DAP: variants seen among roughly 807,000 people sequenced by gnomAD.
DAP encodes death associated protein, also known as death-associated protein 1.
DAP carries 8 observed loss-of-function variants against 13.8 expected under a neutral mutation model. The ratio of observed to expected loss-of-function variants is 0.58; its 90% confidence interval spans 0.34 to 1.05. The LOEUF is 1.05. Among genes scored for constraint, DAP ranks in the 50% least tolerant of loss-of-function variants. The pLI is 0.03. For missense variants in DAP, 106 were observed against 133.2 expected (o/e 0.80, Z 1.01); for synonymous variants, 47 against 47.5 (o/e 0.99, Z 0.04).
chr5:10,732,506 CTG>C (rs375161435), intron 2 of DAP, among the ~76,000 whole-genome samples: 1 of 152,214 alleles, frequency 6.6e-6, no homozygotes, highest in African/African-American at 2.4e-5. Flanking sequence ...TCCTCCATGA[CTG>C]TATCATTAAT....
Position 10,700,108 on chromosome 5 carries a change from A to G in DAP, c.153-16537T>C, listed in dbSNP as rs553260059. ...GGCCCCTCCGCGGGCAGGATGTGACATACTTCTAGGGAGCATTAGGGCTCA... is the reference window on the plus strand; with the variant it reads ...GGCCCCTCCGCGGGCAGGATGTGACGTACTTCTAGGGAGCATTAGGGCTCA... On this transcript the variant is annotated intron_variant, in intron 2 of 3. Coordinates refer to ENST00000230895, the MANE Select transcript of DAP (RefSeq NM_004394.3). Among the ~76,000 whole-genome samples, 6 of 152,330 alleles carry G rather than the reference A, an allele frequency of 3.9e-5. No individual in the cohort carries two copies. The South Asian group carries it at 1.2e-3, about 32-fold the overall frequency.
intron 1 of DAP, among the ~76,000 whole-genome samples, chr5:10,750,222 A>G (rs1579822177): frequency 6.6e-6 from 1 of 152,254 alleles, no homozygotes; most frequent in East Asian, 1.9e-4. Flanking sequence ...ACGAAAACCC[A>G]GGCCAACTTT....
At chr5:10,746,510 A>G (rs1194943028) in intron 2 of DAP, among the ~76,000 whole-genome samples, 1 of 151,808 alleles carries the variant, frequency 6.6e-6, no homozygotes, top group African/African-American at 2.4e-5. Flanking sequence ...TTGTGTTTTT[A>G]GTAGAGACGG....
intron 2 of DAP, among the ~76,000 whole-genome samples, chr5:10,712,682 T>C (rs775987216): frequency 6.6e-6 from 1 of 152,114 alleles, no homozygotes; most frequent in African/African-American, 2.4e-5. Context: ...AGGACCAACA[T>C]GGCACAGGGG....
At chr5:10,750,288 T>A (rs1414506013) in intron 1 of DAP, among the ~76,000 whole-genome samples, 1 of 152,138 alleles carries the variant, frequency 6.6e-6, no homozygotes, top group Non-Finnish European at 1.5e-5. Context: ...GGGGCTTACA[T>A]GCTTCAGGTG....
chr5:10,738,154 T>C (rs1739661136), intron 2 of DAP, among the ~76,000 whole-genome samples: 1 of 152,242 alleles, frequency 6.6e-6, no homozygotes, highest in Non-Finnish European at 1.5e-5. Flanking sequence ...ACAAATGTGT[T>C]ATTTAAAGCC....
chr5:10,749,124 T>C (rs529076601), intron 1 of DAP, among the ~76,000 whole-genome samples: 2 of 152,368 alleles, frequency 1.3e-5, no homozygotes, highest in Non-Finnish European at 2.9e-5. Flanking sequence ...GGTTCATCCA[T>C]GTTACAGCAC....
intron 2 of DAP, among the ~76,000 whole-genome samples, chr5:10,747,456 GC>G (rs1739934348): frequency 6.6e-6 from 1 of 152,130 alleles, no homozygotes; most frequent in Admixed American, 6.5e-5. Context: ...TAAGGGCATG[GC>G]CTTGTAATTC....
chr5:10,757,010 C>T (rs377006303), intron 1 of DAP, among the ~76,000 whole-genome samples: 3 of 152,336 alleles, frequency 2.0e-5, no homozygotes, highest in East Asian at 1.9e-4. Flanking sequence ...GGACTGCAGA[C>T]GACAGCACAT....
At chr5:10,758,664 C>G (rs1044964888) in intron 1 of DAP, among the ~76,000 whole-genome samples, 7 of 152,174 alleles carry the variant, frequency 4.6e-5, no homozygotes, top group African/African-American at 1.7e-4. Context: ...TGACTTGCCC[C>G]GAGGCCCAAA....
chr5:10,689,024 T>TC (rs1312643924), intron 2 of DAP, among the ~76,000 whole-genome samples: 2 of 152,250 alleles, frequency 1.3e-5, no homozygotes, highest in South Asian at 2.1e-4. Context: ...CCGCCCTTCC[T>TC]CCCTGCCCTC....
At chr5:10,706,719 C>T (rs1350103953) in intron 2 of DAP, among the ~76,000 whole-genome samples, 1 of 152,184 alleles carries the variant, frequency 6.6e-6, no homozygotes, top group Non-Finnish European at 1.5e-5. Context: ...TAAAGACACA[C>T]TTTTACTAAC....
chr5:10,684,819 C>T lies in DAP; in HGVS notation c.153-1248G>A, dbSNP rs141512432. Among the ~76,000 whole-genome samples the T allele has an allele frequency of 3.4e-3, 520 of 152,248 alleles. 5 individuals carry two copies. Among genetic ancestry groups the T allele is most frequent in the Non-Finnish European group, 5.9e-3 (400 of 68,018 alleles). Reference sequence around the variant, plus strand: ...AAATGCCTCCACCAAGAGGTACAGACACCCAAGACCTGGAGGTGAATACAA... The same window carrying T: ...AAATGCCTCCACCAAGAGGTACAGATACCCAAGACCTGGAGGTGAATACAA... On this transcript the variant is annotated intron_variant, in intron 2 of 3. Coordinates refer to ENST00000230895, the MANE Select transcript of DAP (RefSeq NM_004394.3).
chr5:10,683,313 C>T (rs965939366), intron 3 of DAP: 7 of 630,734 alleles, frequency 1.1e-5, no homozygotes, highest in Middle Eastern at 4.2e-4. Context: ...TCTCACCAGA[C>T]GGCGGCTCTG....
At chr5:10,701,608 C>CG (rs1427379169) in intron 2 of DAP, among the ~76,000 whole-genome samples, 58 of 10,582 alleles carry the variant, frequency 5.5e-3, no homozygotes, top group Middle Eastern at 0.028. Context: ...GGACGGGGGG[C>CG]GGGGGGGCAG....
At chr5:10,742,946 CATCCATCT>C (rs1390339602) in intron 2 of DAP, among the ~76,000 whole-genome samples, 1 of 152,160 alleles carries the variant, frequency 6.6e-6, no homozygotes, top group Non-Finnish European at 1.5e-5. Flanking sequence ...TCCATCCATC[CATCCATCT>C]ATCCATTCAG....
intron 1 of DAP, among the ~76,000 whole-genome samples, chr5:10,754,302 C>T (rs1740122993): frequency 6.6e-6 from 1 of 152,112 alleles, no homozygotes. Flanking sequence ...CCAAGTGGAG[C>T]CCTTACAGGA....
intron 2 of DAP, among the ~76,000 whole-genome samples, chr5:10,722,108 T>C (rs953382778): frequency 6.6e-6 from 1 of 152,134 alleles, no homozygotes; most frequent in Non-Finnish European, 1.5e-5. Flanking sequence ...GATGGACTTG[T>C]GGTGGTTAAT....
intron 2 of DAP, among the ~76,000 whole-genome samples, chr5:10,742,437 G>A (rs1376543552): frequency 6.6e-6 from 1 of 152,178 alleles, no homozygotes; most frequent in Non-Finnish European, 1.5e-5. Flanking sequence ...TGAGGCAGGA[G>A]AATCACTTGA....
Sources: allele counts gnomAD v4.1 joint callset (sites outside exome capture counted in the v4.1 genomes callset), GRCh38; gene constraint gnomAD v4.1.1; transcripts MANE v1.5; gene names NCBI Gene and HGNC (gene_info 2026-07-23, HGNC 2026-07-21).